RPA1: variants seen among roughly 807,000 people sequenced by gnomAD.
RPA1 encodes the protein replication protein A 70 kDa DNA-binding subunit.
In RPA1, 49 loss-of-function variants were observed where a neutral mutation model predicts 83.0. The ratio of observed to expected loss-of-function variants is 0.59; its 90% confidence interval spans 0.47 to 0.75. RPA1 has a LOEUF of 0.75. RPA1 is among the 30% of genes least tolerant of loss of function. RPA1 has a pLI of 0.00. For synonymous variants in RPA1, 279 were observed against 281.8 expected, an observed-to-expected ratio of 0.99 and a Z score of 0.10; for missense variants, 693 against 776.1, an observed-to-expected ratio of 0.89 and a Z score of 1.27.
intron 5 of RPA1, among the ~76,000 whole-genome samples, chr17:1,860,625 A>T (rs987510775): frequency 2.0e-5 from 3 of 149,790 alleles, no homozygotes; most frequent in African/African-American, 7.6e-5. Context: ...TTTTTGGGAC[A>T]TACAGAGCAC....
Position 1,877,197 on chromosome 17 carries a change from C to A in RPA1, c.588-15C>A. ...GGAAGACCCCATACACTAATATGAT[C>A]GATTTGGTTTGTAGGTGGACCATTT... On this transcript the variant is annotated splice_polypyrimidine_tract_variant and intron_variant, in intron 7 of 16. Transcript: ENST00000254719. The A allele has an allele frequency of 6.2e-7, 1 of 1,611,090 alleles. No homozygotes were observed. Among genetic ancestry groups the A allele is most frequent in the South Asian group, 1.1e-5 (1 of 91,000 alleles).
chr17:1,885,049 G>A (rs1597456198), intron 13 of RPA1, among the ~76,000 whole-genome samples: 1 of 152,110 alleles, frequency 6.6e-6, no homozygotes, highest in Non-Finnish European at 1.5e-5. Flanking sequence ...CTCCATAGCC[G>A]GCGATGCTGT....
chr17:1,872,301 A>G (rs1913401963), intron 5 of RPA1, 133 bp from the exon 6 acceptor site: 2 of 1,363,940 alleles, frequency 1.5e-6, no homozygotes, highest in Non-Finnish European at 9.9e-7. Flanking sequence ...ATGCCTCAGC[A>G]CGAATTCTAA....
chr17:1,856,633 T>A (rs970407230), intron 5 of RPA1, among the ~76,000 whole-genome samples: 2 of 151,336 alleles, frequency 1.3e-5, no homozygotes, highest in South Asian at 4.1e-4. Flanking sequence ...ATATAGTTTT[T>A]ATTTATTTAT....
chr17:1,835,981 A>G (rs1911803213), intron 1 of RPA1, among the ~76,000 whole-genome samples: 1 of 152,110 alleles, frequency 6.6e-6, no homozygotes, highest in Admixed American at 6.6e-5. Flanking sequence ...AGAAAGAAGA[A>G]AGAAAGAGGT....
At chr17:1,889,674 A>G (rs531870736) in intron 14 of RPA1, among the ~76,000 whole-genome samples, 25 of 152,056 alleles carry the variant, frequency 1.6e-4, no homozygotes, top group Non-Finnish European at 3.7e-4. Context: ...TTTGTTTTCA[A>G]TGATAGAACT....
chr17:1,879,219 A>G lies in RPA1; in HGVS notation c.764A>G (p.Tyr255Cys). Residue 255 changes from tyrosine (Y) to cysteine (C), a missense_variant, in exon 10 of 17, where the codon TAT (tyrosine) becomes TGT (cysteine). Coordinates refer to ENST00000254719, the MANE Select transcript of RPA1 (RefSeq NM_002945.5). The stretch of plus-strand genomic sequence containing the variant: ...GTGGCTTGGCCTCCTTCGCAGGTGT[A>G]TTATTTCTCGAAAGGCACCCTGAAG... ...FFPLIEVNKV[Y>C]YFSKGTLKIA... is the part of the protein sequence containing the mutation. The G allele has an allele frequency of 6.2e-7, 1 of 1,613,612 alleles. No homozygotes were observed. The highest frequency in any genetic ancestry group is 8.5e-7 in the Non-Finnish European group (1 of 1,179,748).
chr17:1,845,015 C>T (rs571886793), intron 4 of RPA1, among the ~76,000 whole-genome samples: 3 of 152,180 alleles, frequency 2.0e-5, no homozygotes, highest in African/African-American at 7.2e-5. Flanking sequence ...TCTCGAACTC[C>T]TGAGATCAGG....
chr17:1,844,720 C>A (rs564397995), intron 4 of RPA1, 34 bp downstream of exon 4: 3 of 1,509,974 alleles, frequency 2.0e-6, no homozygotes, highest in Non-Finnish European at 1.8e-6. Context: ...CTTATTGTAT[C>A]GTAGAATGGG....
intron 5 of RPA1, among the ~76,000 whole-genome samples, chr17:1,857,442 A>G (rs1912745985): frequency 6.6e-6 from 1 of 152,024 alleles, no homozygotes; most frequent in African/African-American, 2.4e-5. Context: ...CCAAAGCTAT[A>G]TATTTTCTCC....
At chr17:1,859,980 T>C (rs1478917043) in intron 5 of RPA1, among the ~76,000 whole-genome samples, 1 of 152,006 alleles carries the variant, frequency 6.6e-6, no homozygotes, top group African/African-American at 2.4e-5. Flanking sequence ...GCTCAGCTGA[T>C]TTTTGTATTT....
rs1914573963 is a variant in RPA1, at chr17:1,899,593, G to A, written c.*2418G>A. On this transcript the variant is annotated 3_prime_UTR_variant, in exon 17 of 17. Coordinates refer to ENST00000254719, the MANE Select transcript of RPA1 (RefSeq NM_002945.5). ...TTTTTTGAACTGCAGGGTCAAAAATGTTCCCCTCCCCCACTTCTGTTTCCT... is the reference window on the plus strand; with the variant it reads ...TTTTTTGAACTGCAGGGTCAAAAATATTCCCCTCCCCCACTTCTGTTTCCT... The A allele has an allele frequency of 6.6e-6, 1 of 152,108 alleles. No individual in the cohort carries two copies. The highest frequency in any genetic ancestry group is 6.5e-5 in the Admixed American group (1 of 15,276). 9.4% of individuals were successfully genotyped at this position (152,108 alleles called of 1,614,324 possible).
At chr17:1,871,205 T>C (rs1465101936) in intron 5 of RPA1, among the ~76,000 whole-genome samples, 4 of 152,206 alleles carry the variant, frequency 2.6e-5, no homozygotes, top group South Asian at 2.1e-4. Context: ...TGGCTCTTTT[T>C]CTATGTAAAT....
chr17:1,889,707 A>G (rs1914133027), intron 14 of RPA1, among the ~76,000 whole-genome samples: 1 of 152,080 alleles, frequency 6.6e-6, no homozygotes, highest in Non-Finnish European at 1.5e-5. Context: ...CAGTTTAAGA[A>G]AACAGTTTAA....
chr17:1,853,762 G>T (rs889218519), intron 5 of RPA1, among the ~76,000 whole-genome samples: 3 of 152,166 alleles, frequency 2.0e-5, no homozygotes, highest in African/African-American at 7.2e-5. Flanking sequence ...AGTAATATAG[G>T]ATACTACAGG....
chr17:1,841,985 A>G (rs1016905455), intron 1 of RPA1, among the ~76,000 whole-genome samples: 17 of 152,056 alleles, frequency 1.1e-4, no homozygotes, highest in Non-Finnish European at 2.1e-4. Context: ...CATATTATCC[A>G]TTTTATATAG....
chr17:1,842,636 A>G (rs1912096669), intron 1 of RPA1, among the ~76,000 whole-genome samples, 167 bp from the exon 2 acceptor site: 1 of 152,194 alleles, frequency 6.6e-6, no homozygotes, highest in Non-Finnish European at 1.5e-5. Context: ...CCCTCTTATC[A>G]TTTTATGATT....
chr17:1,835,354 G>A (rs761551820), intron 1 of RPA1, among the ~76,000 whole-genome samples: 30 of 151,144 alleles, frequency 2.0e-4, no homozygotes, highest in African/African-American at 6.8e-4. Context: ...ATGGGGTTTC[G>A]CCATCTTGCC....
chr17:1,883,598 A>G lies in RPA1; in HGVS notation c.1242-214A>G, dbSNP rs780778943. On this transcript the variant is annotated intron_variant, in intron 12 of 16. Coordinates refer to ENST00000254719, the MANE Select transcript of RPA1 (RefSeq NM_002945.5). ...ATCATTGCACTCCAGCCTGGGTGAC[A>G]GAGTGAAACTCTGACACAATTTTTT... is the stretch of plus-strand genomic sequence containing the variant. Among the ~76,000 whole-genome samples, 71 of 152,218 alleles carry G rather than the reference A, an allele frequency of 4.7e-4. 1 individual carries two copies. The highest frequency in any genetic ancestry group is 2.5e-4 in the Non-Finnish European group (17 of 68,044).
Sources: gnomAD v4.1 joint callset for allele counts (sites outside exome capture counted in the v4.1 genomes callset) on GRCh38, gnomAD v4.1.1 for gene constraint, MANE v1.5 for transcripts, NCBI Gene and HGNC (gene_info 2026-07-23, HGNC 2026-07-21) for gene names.